Variants in CACNG4 observed in about 807,000 individuals in gnomAD.
The protein encoded by CACNG4 is voltage-dependent calcium channel gamma-4 subunit.
CACNG4 carries 8 observed loss-of-function variants against 22.9 expected under a neutral mutation model. The ratio of observed to expected loss-of-function variants is 0.35; its 90% CI spans 0.21 to 0.63. CACNG4 has a LOEUF of 0.63. Among genes scored for constraint, CACNG4 ranks in the 30% least tolerant of loss-of-function variants. The pLI, the probability that CACNG4 is intolerant of heterozygous loss-of-function variation, is 0.72. For missense variants in CACNG4, 357 were observed against 455.4 expected, an observed-to-expected ratio of 0.78 and a Z score of 1.97; for synonymous variants, 188 against 191.9, an observed-to-expected ratio of 0.98 and a Z score of 0.17.
At chr17:66,999,727 T>C (rs1309760925) in intron 1 of CACNG4, among the ~76,000 whole-genome samples, 2 of 151,956 alleles carry the variant, frequency 1.3e-5, no homozygotes, top group African/African-American at 4.8e-5. Flanking sequence ...CATCAATACC[T>C]GGGGATTACA....
At chr17:67,003,258 A>G (rs1567755522) in intron 1 of CACNG4, among the ~76,000 whole-genome samples, 1 of 152,014 alleles carries the variant, frequency 6.6e-6, no homozygotes, top group South Asian at 2.1e-4. Flanking sequence ...CAGATGGGAA[A>G]AATGAGGCAC....
At chr17:66,968,468 C>T (rs2143267661) in intron 1 of CACNG4, among the ~76,000 whole-genome samples, 1 of 129,054 alleles carries the variant, frequency 7.7e-6, no homozygotes, top group Non-Finnish European at 1.7e-5. Flanking sequence ...TCTTTCCCTC[C>T]CCTTCCCTCA....
chr17:67,009,016 G>A (rs2035453116), intron 1 of CACNG4, among the ~76,000 whole-genome samples: 1 of 152,052 alleles, frequency 6.6e-6, no homozygotes, highest in Non-Finnish European at 1.5e-5. Flanking sequence ...TATGAAAAGG[G>A]GAACTTTGGA....
intron 1 of CACNG4, among the ~76,000 whole-genome samples, chr17:67,013,722 T>C (rs2035480540): frequency 6.6e-6 from 1 of 152,060 alleles, no homozygotes; most frequent in Non-Finnish European, 1.5e-5. Context: ...GGAGAATTGG[T>C]TGAACCCGGG....
intron 1 of CACNG4, among the ~76,000 whole-genome samples, chr17:66,978,175 A>C (rs1005568165): frequency 2.6e-5 from 4 of 152,144 alleles, no homozygotes; most frequent in Non-Finnish European, 5.9e-5. Flanking sequence ...GCCTCCTACT[A>C]GCTGTGGGGC....
Position 67,030,019 on chromosome 17 carries a change from T to A in CACNG4, c.446-447T>A, listed in dbSNP as rs889375063. ...GGCCTGGTTAGGTGGGTCGTGAGAC[T>A]TCTGTATGGCGGTGCCGCACGTAGT... is the stretch of plus-strand genomic sequence containing the variant. On this transcript the variant is annotated intron_variant, in intron 3 of 3. Transcript: ENST00000262138. This position sits in a 1 kb window ranked among gnomAD's most constrained non-coding sequence, Gnocchi z 6.4. Among the ~76,000 whole-genome samples the A allele has an allele frequency of 6.6e-6, 1 of 152,228 alleles. No homozygotes were observed. The highest frequency in any genetic ancestry group is 1.5e-5 in the Non-Finnish European group (1 of 68,038).
rs545905181 is a variant in CACNG4, at chr17:66,977,141, G to A, written c.220+12010G>A. Among the ~76,000 whole-genome samples, 30 of 152,188 alleles carry A rather than the reference G, an allele frequency of 2.0e-4. 1 individual carries two copies. The South Asian group carries it at 4.8e-3, about 24-fold the overall frequency. ...TCTGTCATCTCTCGCCTGGATGCCC[G>A]CTGTAGAGTCCTGACTGGTCACTCT... On this transcript the variant is annotated intron_variant, in intron 1 of 3. Transcript: ENST00000262138.
At chr17:67,023,769 G>A (rs908020997) in intron 2 of CACNG4, among the ~76,000 whole-genome samples, 2 of 151,406 alleles carry the variant, frequency 1.3e-5, no homozygotes, top group Admixed American at 1.3e-4. Context: ...TAGATACGGG[G>A]TTTCACCATG....
intron 1 of CACNG4, among the ~76,000 whole-genome samples, chr17:67,007,210 C>T (rs911656407): frequency 1.3e-5 from 2 of 152,042 alleles, no homozygotes; most frequent in Admixed American, 6.6e-5. Context: ...CAAACAGATT[C>T]TAGAGGGACC....
chr17:67,026,630 T>C (rs967670012), intron 3 of CACNG4, among the ~76,000 whole-genome samples: 1 of 150,650 alleles, frequency 6.6e-6, no homozygotes, highest in Non-Finnish European at 1.5e-5. Context: ...CTGTGGTGTG[T>C]GTGTGTCTGA....
At chr17:66,980,640 T>TTTTTTTTA (rs2035266353) in intron 1 of CACNG4, among the ~76,000 whole-genome samples, 1 of 132,210 alleles carries the variant, frequency 7.6e-6, no homozygotes, top group African/African-American at 2.7e-5. Context: ...TTTTTTTTTT[T>TTTTTTTTA]GAGACTGAGT....
At chr17:66,994,487 G>A (rs1411658364) in intron 1 of CACNG4, among the ~76,000 whole-genome samples, 1 of 152,202 alleles carries the variant, frequency 6.6e-6, no homozygotes, top group Admixed American at 6.5e-5. Flanking sequence ...GGAAGGTGCG[G>A]CACAGAGGGA....
At chr17:67,010,509 G>A (rs528394279) in intron 1 of CACNG4, among the ~76,000 whole-genome samples, 7 of 152,226 alleles carry the variant, frequency 4.6e-5, no homozygotes, top group Non-Finnish European at 1.5e-5. Context: ...TACCATATAG[G>A]GTTAGCATGA....
rs2035554551 is a variant in CACNG4 at position 67,024,921 on chromosome 17, C to G, written c.366C>G (p.Gly122=). The change falls in exon 3 of 4, where the codon GGC becomes GGG. Residue 122 remains glycine, a synonymous_variant. Coordinates refer to ENST00000262138, the MANE Select transcript of CACNG4 (RefSeq NM_014405.4). ...GCACCATCCTGCTCCTGCTGGGTGG[C>G]CTGTGCATCGGTGCTGGCAGGATCT... ...ILSTILLLLG[G]LCIGAGRIYS... 24 of 1,606,362 alleles carry G rather than the reference C, an allele frequency of 1.5e-5. No individual in the cohort carries two copies. Among genetic ancestry groups the G allele is most frequent in the Non-Finnish European group, 2.0e-5 (24 of 1,177,688 alleles).
chr17:67,000,107 C>A lies in CACNG4; in HGVS notation c.221-18082C>A, dbSNP rs2035399351. Among the ~76,000 whole-genome samples the A allele has an allele frequency of 2.6e-5, 4 of 152,302 alleles. No individual in the cohort carries two copies. In the South Asian group the frequency reaches 8.3e-4, roughly 32 times the overall value. On this transcript the variant is annotated intron_variant, in intron 1 of 3. Transcript: ENST00000262138. ...CTATTTCCACCTGGCTTCCACGCAG[C>A]CTTCCCCAGGCTCTCTCTGCAAGCA...
At chr17:67,002,089 A>T (rs2035411561) in intron 1 of CACNG4, among the ~76,000 whole-genome samples, 1 of 152,186 alleles carries the variant, frequency 6.6e-6, no homozygotes, top group African/African-American at 2.4e-5. Context: ...AATACCTGAG[A>T]CTTGGCAATG....
chr17:66,985,513 C>CT (rs1419082091), intron 1 of CACNG4, among the ~76,000 whole-genome samples: 1 of 152,160 alleles, frequency 6.6e-6, no homozygotes, highest in East Asian at 1.9e-4. Context: ...GGCTTGGCCT[C>CT]TATCAGCCTG....
chr17:66,988,119 C>T (rs193248397), intron 1 of CACNG4, among the ~76,000 whole-genome samples: 100 of 151,812 alleles, frequency 6.6e-4, no homozygotes, highest in Middle Eastern at 3.4e-3. Flanking sequence ...GAGCTACCAC[C>T]CTGATAGCAC....
chr17:67,017,341 T>G (rs1334676868), intron 1 of CACNG4, among the ~76,000 whole-genome samples: 2 of 151,984 alleles, frequency 1.3e-5, no homozygotes, highest in Non-Finnish European at 2.9e-5. Flanking sequence ...CCTCCCAAAG[T>G]GGTGGGATTA....
Sources: gnomAD v4.1 joint callset for allele counts (sites outside exome capture counted in the v4.1 genomes callset) on GRCh38, gnomAD v4.1.1 for gene constraint, Gnocchi (gnomAD v3.1) non-coding constraint, MANE v1.5 for transcripts, NCBI Gene and HGNC (gene_info 2026-07-23, HGNC 2026-07-21) for gene names.